UBXN4: variants seen among roughly 807,000 people sequenced by gnomAD.
UBXN4 encodes the protein UBX domain-containing protein 4.
UBXN4 carries 35 observed loss-of-function variants against 66.2 expected under a neutral mutation model. That is an observed-to-expected ratio of 0.53 (90% CI 0.40 to 0.70). The LOEUF (loss-of-function observed/expected upper bound fraction) is 0.70, where lower values mean the gene tolerates loss of function less well. Among genes scored for constraint, UBXN4 ranks in the 30% least tolerant of loss-of-function variants. The pLI, the probability that UBXN4 is intolerant of heterozygous loss-of-function variation, is 0.00. For synonymous variants in UBXN4, 203 were observed against 204.5 expected, an observed-to-expected ratio of 0.99 and a Z score of 0.06; for missense variants, 533 against 599.8, an observed-to-expected ratio of 0.89 and a Z score of 1.16.
intron 6 of UBXN4, among the ~76,000 whole-genome samples, chr2:135,763,333 T>C (rs2077326801): frequency 6.6e-6 from 1 of 151,514 alleles, no homozygotes; most frequent in African/African-American, 2.5e-5. Flanking sequence ...GGTATTGAAC[T>C]GTGAAACTAC....
chr2:135,774,887 A>G (rs1246999790), intron 9 of UBXN4, among the ~76,000 whole-genome samples: 3 of 152,100 alleles, frequency 2.0e-5, no homozygotes, highest in African/African-American at 7.2e-5. Flanking sequence ...AGAATTGGAG[A>G]AAATATTTGC....
At position 135,784,230 on chromosome 2, in the gene UBXN4, C is replaced by T. The variant is rs945535802; in HGVS notation, c.*1343C>T. Reference sequence around the variant, plus strand: ...GACAATGTTTAGGTAAAGACATACTCATTAAGTGTTATTTATTTTACTCAA... The same window carrying T: ...GACAATGTTTAGGTAAAGACATACTTATTAAGTGTTATTTATTTTACTCAA... On this transcript the variant is annotated 3_prime_UTR_variant, in exon 13 of 13. Transcript: ENST00000272638. The T allele has an allele frequency of 2.0e-5, 3 of 152,168 alleles. No homozygotes were observed. The highest frequency in any genetic ancestry group is 6.5e-5 in the Admixed American group (1 of 15,278). 9.4% of individuals were successfully genotyped at this position (152,168 alleles called of 1,614,324 possible). A position where few individuals can be genotyped will look rare whatever the true frequency, so the allele number is the denominator to read the frequency against.
At chr2:135,751,425 T>C (rs1204512493) in intron 2 of UBXN4, among the ~76,000 whole-genome samples, 1 of 151,522 alleles carries the variant, frequency 6.6e-6, no homozygotes. Context: ...CCTGACCTCG[T>C]GATCCACCTG....
At chr2:135,747,965 A>T in intron 1 of UBXN4, 1 of 347,672 alleles carries the variant, frequency 2.9e-6, no homozygotes, top group East Asian at 6.9e-5. Context: ...AAGCCCAAAT[A>T]GGCACTGCAC....
chr2:135,745,875 C>CTGTTTTTTTTTTTTTT (rs2077204274), intron 1 of UBXN4, among the ~76,000 whole-genome samples: 1 of 74,402 alleles, frequency 1.3e-5, no homozygotes, highest in Non-Finnish European at 2.3e-5. Context: ...GTCCCGTTTA[C>CTGTTTTTTTTTTTTTT]TTTTTTTTTT....
intron 8 of UBXN4, 114 bp downstream of exon 8, chr2:135,770,849 T>G: frequency 2.0e-6 from 2 of 1,004,596 alleles, no homozygotes; most frequent in Non-Finnish European, 2.6e-6. Flanking sequence ...AGACTACCAA[T>G]CCTGAGCTTC....
chr2:135,753,221 G>C (rs958831328), intron 2 of UBXN4, among the ~76,000 whole-genome samples: 1 of 150,104 alleles, frequency 6.7e-6, no homozygotes, highest in African/African-American at 2.5e-5. Flanking sequence ...ACGGGGTTTC[G>C]CCATGTTGGC....
Position 135,741,877 on chromosome 2 carries a change from T to A in UBXN4, c.-53T>A, listed in dbSNP as rs1310679491. On this transcript the variant is annotated 5_prime_UTR_variant, in exon 1 of 13. Transcript: ENST00000272638. ...GACGAAGACGGAGGGCGGAGCCGGCTTCGGGACTGCGGAGACTACACACCG... is the reference window on the plus strand; with the variant it reads ...GACGAAGACGGAGGGCGGAGCCGGCATCGGGACTGCGGAGACTACACACCG... 1 of 1,566,214 alleles carries A rather than the reference T, an allele frequency of 6.4e-7. No individual in the cohort carries two copies. The highest frequency in any genetic ancestry group is 1.4e-5 in the African/African-American group (1 of 72,686).
chr2:135,742,129 A>T, intron 1 of UBXN4, 118 bp downstream of exon 1: 1 of 1,205,072 alleles, frequency 8.3e-7, no homozygotes, highest in South Asian at 1.4e-5. Context: ...GTCGGCTCGC[A>T]CAATTGCCAC....
chr2:135,759,529 TC>T, intron 5 of UBXN4, among the ~76,000 whole-genome samples: 1 of 152,276 alleles, frequency 6.6e-6, no homozygotes, highest in East Asian at 1.9e-4. Flanking sequence ...AAGATGTTCC[TC>T]TATCCCCTTT....
At chr2:135,742,676 A>C (rs1452712203) in intron 1 of UBXN4, 1 of 152,308 alleles carries the variant, frequency 6.6e-6, no homozygotes, top group Admixed American at 6.5e-5. Context: ...TCGATAAGCA[A>C]CAAAGAGAAA....
chr2:135,745,875 CTTTTTTT>C (rs59946844), intron 1 of UBXN4, among the ~76,000 whole-genome samples: 4 of 74,398 alleles, frequency 5.4e-5, no homozygotes, highest in Non-Finnish European at 9.3e-5. Context: ...GTCCCGTTTA[CTTTTTTT>C]TTTTTTTTTT....
chr2:135,755,676 T>G lies in UBXN4; in HGVS notation c.493T>G (p.Ser165Ala). The G allele has an allele frequency of 6.5e-7, 1 of 1,543,214 alleles. No homozygotes were observed. Among genetic ancestry groups the G allele is most frequent in the Non-Finnish European group, 8.7e-7 (1 of 1,142,966 alleles). ...GATACCACCCACTTCTGATACAAAG[T>G]CAGATACTGCAACAGGTAACTTTTA... Reference protein sequence around the residue: ...CEIPPTSDTKSDTATGGESAG... With the variant: ...CEIPPTSDTKADTATGGESAG... The change falls in exon 5 of 13, where the codon TCA (serine) becomes GCA (alanine). Residue 165 changes from serine (S) to alanine (A), a missense_variant. This residue lies in a region of UBXN4 where 529 missense variants were observed against 580.1 expected (regional missense o/e 0.91). Coordinates refer to ENST00000272638, the MANE Select transcript of UBXN4 (RefSeq NM_014607.4).
chr2:135,782,660 G>C, intron 12 of UBXN4, 89 bp from the exon 13 acceptor site: 1 of 1,501,140 alleles, frequency 6.7e-7, no homozygotes, highest in Non-Finnish European at 9.0e-7. Context: ...AAACTTAGTT[G>C]CCTGTACTGA....
intron 1 of UBXN4, among the ~76,000 whole-genome samples, chr2:135,743,910 A>G (rs2077192504): frequency 6.6e-6 from 1 of 152,178 alleles, no homozygotes. Context: ...ATGAGCATGT[A>G]TTACATGTAT....
chr2:135,759,766 A>ATTTTTTTTT (rs10660396), intron 5 of UBXN4, among the ~76,000 whole-genome samples: 14 of 93,460 alleles, frequency 1.5e-4, no homozygotes, highest in Non-Finnish European at 2.2e-4. Flanking sequence ...TCAATCCAGA[A>ATTTTTTTTT]TTTTTTTTTT....
Position 135,770,741 on chromosome 2 carries a change from T to A in UBXN4, c.822+6T>A, listed in dbSNP as rs1287770721. ...TAAAACAGCAGATTGCATTGGTAAGTCTTAAGTTTCCAGACATTCGTGAAA... is the reference window on the plus strand; with the variant it reads ...TAAAACAGCAGATTGCATTGGTAAGACTTAAGTTTCCAGACATTCGTGAAA... On this transcript the variant is annotated splice_donor_region_variant and intron_variant, in intron 8 of 12. Coordinates refer to ENST00000272638, the MANE Select transcript of UBXN4 (RefSeq NM_014607.4). The A allele has an allele frequency of 6.7e-7, 1 of 1,485,634 alleles. No homozygotes were observed. The highest frequency in any genetic ancestry group is 2.4e-5 in the East Asian group (1 of 41,022). The allele number at this position is 1,485,634 out of a possible 1,614,324, so 92.0% of individuals were successfully genotyped here.
At chr2:135,770,211 T>C (rs892955347) in intron 7 of UBXN4, among the ~76,000 whole-genome samples, 4 of 152,236 alleles carry the variant, frequency 2.6e-5, no homozygotes, top group South Asian at 2.1e-4. Flanking sequence ...TTTCTCACCA[T>C]GTATACCTAA....
chr2:135,753,707 C>A, intron 3 of UBXN4, 140 bp downstream of exon 3: 3 of 729,028 alleles, frequency 4.1e-6, no homozygotes, highest in South Asian at 2.9e-5. Flanking sequence ...ACTAAGTGTC[C>A]TCATTTAAAA....
Sources: allele counts gnomAD v4.1 joint callset (sites outside exome capture counted in the v4.1 genomes callset), GRCh38; gene constraint gnomAD v4.1.1; regional missense constraint gnomAD v4.1.1; transcripts MANE v1.5; gene names NCBI Gene and HGNC (gene_info 2026-07-23, HGNC 2026-07-21).